Variants in ASIC2 observed in about 807,000 individuals in gnomAD.
ASIC2 encodes the protein acid sensing ion channel subunit 2, also known as acid-sensing ion channel 2.
Under a neutral mutation model 57.3 loss-of-function variants are expected in ASIC2, and 25 were observed. The observed-to-expected ratio is 0.44, with a 90% CI of 0.32 to 0.61. The LOEUF (loss-of-function observed/expected upper bound fraction) is 0.61, where lower values mean the gene tolerates loss of function less well. ASIC2 is among the 20% of genes least tolerant of loss of function. The pLI is 0.06. For missense variants in ASIC2, 641 were observed against 738.1 expected, an observed-to-expected ratio of 0.87 and a Z score of 1.52; for synonymous variants, 319 against 307.5, an observed-to-expected ratio of 1.04 and a Z score of -0.39.
chr17:33,817,633 C>T (rs980401129), intron 1 of ASIC2, among the ~76,000 whole-genome samples: 6 of 152,184 alleles, frequency 3.9e-5, no homozygotes, highest in Admixed American at 3.9e-4. Context: ...TGTCCTCTGT[C>T]AAATGGTTGC....
chr17:34,069,107 G>A (rs753165750), intron 1 of ASIC2, among the ~76,000 whole-genome samples: 3 of 152,094 alleles, frequency 2.0e-5, no homozygotes, highest in Admixed American at 6.6e-5. Flanking sequence ...TTGGTGGCTC[G>A]AAATGAGCCG....
intron 1 of ASIC2, among the ~76,000 whole-genome samples, chr17:33,659,431 A>G (rs1907179720): frequency 6.6e-6 from 1 of 152,188 alleles, no homozygotes; most frequent in South Asian, 2.1e-4. Context: ...CGCCCAGGCT[A>G]TGTGGGAGAA....
At chr17:33,976,376 C>G (rs1000468269) in intron 1 of ASIC2, among the ~76,000 whole-genome samples, 1 of 152,040 alleles carries the variant, frequency 6.6e-6, no homozygotes, top group Non-Finnish European at 1.5e-5. Context: ...GTCCCCATCT[C>G]CACAATAACC....
chr17:33,173,779 G>C (rs1905623241), intron 1 of ASIC2, among the ~76,000 whole-genome samples: 1 of 152,122 alleles, frequency 6.6e-6, no homozygotes, highest in South Asian at 2.1e-4. Flanking sequence ...CTTCCTCATG[G>C]GACTGCCATG....
intron 1 of ASIC2, among the ~76,000 whole-genome samples, chr17:33,391,746 T>G (rs1317557631): frequency 6.6e-6 from 1 of 152,258 alleles, no homozygotes; most frequent in Admixed American, 6.5e-5. Context: ...AACTCATCCA[T>G]GTTAGTATGA....
At chr17:33,605,960 A>G (rs908499080) in intron 1 of ASIC2, among the ~76,000 whole-genome samples, 1 of 152,234 alleles carries the variant, frequency 6.6e-6, no homozygotes, top group Non-Finnish European at 1.5e-5. Context: ...GCACAGGCAC[A>G]GGAGATATTA....
At chr17:33,095,919 C>T (rs1035974248) in intron 2 of ASIC2, among the ~76,000 whole-genome samples, 36 of 152,202 alleles carry the variant, frequency 2.4e-4, no homozygotes, top group African/African-American at 8.7e-4. Flanking sequence ...TGGAGTGTCC[C>T]TGTGTCACCC....
At chr17:34,108,918 G>C (rs1172394812) in intron 1 of ASIC2, among the ~76,000 whole-genome samples, 3 of 151,452 alleles carry the variant, frequency 2.0e-5, no homozygotes, top group Non-Finnish European at 3.0e-5. Context: ...AATTTATTTT[G>C]TCTAATGTTA....
chr17:33,307,529 C>T lies in ASIC2; in HGVS notation c.556-195462G>A, dbSNP rs566171843. Among the ~76,000 whole-genome samples the T allele has an allele frequency of 2.0e-3, 311 of 152,242 alleles. 1 individual carries two copies. Among genetic ancestry groups the T allele is most frequent in the South Asian group, 8.1e-3 (39 of 4,816 alleles). On this transcript the variant is annotated intron_variant, in intron 1 of 9. Coordinates refer to the ASIC2 transcript ENST00000359872. ...TTCACCATGTTGGCCAGACTAGTCT[C>T]GAACTCCTGACTTCAGGTGATCCAC... is the stretch of plus-strand genomic sequence containing the variant.
At chr17:33,711,853 A>C (rs1909046569) in intron 1 of ASIC2, among the ~76,000 whole-genome samples, 1 of 152,306 alleles carries the variant, frequency 6.6e-6, no homozygotes, top group Admixed American at 6.5e-5. Context: ...GGGTGGGGAC[A>C]CAAAATCAAA....
intron 1 of ASIC2, among the ~76,000 whole-genome samples, chr17:33,271,170 C>T (rs896430866): frequency 6.6e-6 from 1 of 152,116 alleles, no homozygotes; most frequent in African/African-American, 2.4e-5. Context: ...TCTAGATTTC[C>T]CTCCTACCTC....
intron 1 of ASIC2, among the ~76,000 whole-genome samples, chr17:33,119,063 G>T (rs2092291602): frequency 6.6e-6 from 1 of 152,166 alleles, no homozygotes; most frequent in Admixed American, 6.5e-5. Flanking sequence ...TTTCTACGCT[G>T]TGTACCTACT....
chr17:33,980,087 C>A (rs2142003500), intron 1 of ASIC2, among the ~76,000 whole-genome samples: 2 of 152,104 alleles, frequency 1.3e-5, no homozygotes, highest in Admixed American at 1.3e-4. Context: ...GGGCTTCAAG[C>A]CAAGTCAGAT....
intron 1 of ASIC2, among the ~76,000 whole-genome samples, chr17:33,989,146 C>A (rs12603753): frequency 6.6e-6 from 1 of 151,928 alleles, no homozygotes; most frequent in Non-Finnish European, 1.5e-5. Context: ...GTTAGTGAGA[C>A]ATGATGTTAA....
intron 1 of ASIC2, among the ~76,000 whole-genome samples, chr17:33,405,431 A>G (rs1252752518): frequency 6.6e-6 from 1 of 151,592 alleles, no homozygotes; most frequent in African/African-American, 2.4e-5. Context: ...CCCTCCCAGG[A>G]CTAGCCAATT....
intron 1 of ASIC2, among the ~76,000 whole-genome samples, chr17:33,184,317 A>C (rs1371380038): frequency 6.6e-6 from 1 of 152,202 alleles, no homozygotes; most frequent in Non-Finnish European, 1.5e-5. Context: ...ACCATCTGGA[A>C]CATATCAGTC....
At chr17:33,726,854 C>T (rs1909577481) in intron 1 of ASIC2, among the ~76,000 whole-genome samples, 1 of 152,226 alleles carries the variant, frequency 6.6e-6, no homozygotes, top group African/African-American at 2.4e-5. Flanking sequence ...ATTATAGACA[C>T]CTCAGGGCAG....
At chr17:34,130,463 C>T (rs1339795082) in intron 1 of ASIC2, among the ~76,000 whole-genome samples, 1 of 152,230 alleles carries the variant, frequency 6.6e-6, no homozygotes, top group East Asian at 1.9e-4. Context: ...TAACTAGTCC[C>T]AGTGCAACAC....
In ASIC2 at chr17:33,784,632, T is replaced by A. The variant is rs141229628; in HGVS notation, c.555+371346A>T. On this transcript the variant is annotated intron_variant, in intron 1 of 9. Transcript: ENST00000359872. ...ACAAAATTATAATTTTGTCATGTAA[T>A]CTGTATCAAAAAATTACTAATGAAG... is the stretch of plus-strand genomic sequence containing the variant. Among the ~76,000 whole-genome samples, 310 of 152,374 alleles carry A rather than the reference T, an allele frequency of 2.0e-3. 1 individual carries two copies. The highest frequency in any genetic ancestry group is 3.4e-3 in the Middle Eastern group (1 of 294).
Sources: gnomAD v4.1 joint callset for allele counts (sites outside exome capture counted in the v4.1 genomes callset) on GRCh38, gnomAD v4.1.1 for gene constraint, MANE v1.5 for transcripts, NCBI Gene and HGNC (gene_info 2026-07-23, HGNC 2026-07-21) for gene names.